HECTD3: variants seen among roughly 807,000 people sequenced by gnomAD.
The protein encoded by HECTD3 is E3 ubiquitin-protein ligase HECTD3.
Under a neutral mutation model 109.3 loss-of-function variants are expected in HECTD3, and 72 were observed. The observed-to-expected ratio is 0.66, with a 90% CI of 0.54 to 0.80. The LOEUF is 0.80. Ranked by LOEUF, HECTD3 falls within the 30% of genes least tolerant of loss-of-function variation. The pLI is 0.00. For synonymous variants in HECTD3, 481 were observed against 471.8 expected (o/e 1.02, Z -0.25); for missense variants, 1,041 against 1,165.2 (o/e 0.89, Z 1.55).
chr1:45,005,763 A>G, intron 15 of HECTD3, 31 bp downstream of exon 15: 2 of 1,543,640 alleles, frequency 1.3e-6, no homozygotes, highest in Non-Finnish European at 1.7e-6. Flanking sequence ...GGGGCTGGGC[A>G]GAGGAAACAC....
intron 6 of HECTD3, 62 bp from the exon 7 acceptor site, chr1:45,009,288 G>T: frequency 6.5e-7 from 1 of 1,533,130 alleles, no homozygotes; most frequent in Non-Finnish European, 9.0e-7. Context: ...GAGACTGCTG[G>T]AGTCTCACTC....
chr1:45,010,915 G>A lies in HECTD3; in HGVS notation c.343C>T (p.His115Tyr), dbSNP rs769187842. 3.2e-6 allele frequency: 5 copies of A among 1,546,710 alleles called. No individual in the cohort carries two copies. The highest frequency in any genetic ancestry group is 4.3e-6 in the Non-Finnish European group (5 of 1,157,918). ...RTTGEELCNG[H>Y]GLWVKLTKEQ... is the part of the protein sequence containing the mutation. ...TTTGTCAGCTTCACCCAGAGCCCGT[G>A]GCCATTGCACAGCTCCTCGCCCGTG... Residue 115 changes from histidine to tyrosine, a missense_variant, in exon 1 of 21, where the codon CAC becomes TAC. Transcript: ENST00000372172.
chr1:45,008,282 T>C lies in HECTD3; in HGVS notation c.1278A>G (p.Val426=), dbSNP rs991594923. 1.2e-6 allele frequency: 2 copies of C among 1,614,006 alleles called. No homozygotes were observed. Among genetic ancestry groups the C allele is most frequent in the Admixed American group, 3.3e-5 (2 of 60,004 alleles). Residue 426 remains valine (V), a synonymous_variant, in exon 9 of 21, where the codon GTA becomes GTG. Transcript: ENST00000372172. ...KILDSVLHHL[V]PAWDHTLGTF... is the part of the protein sequence containing the mutation. The stretch of plus-strand genomic sequence containing the variant: ...TGCCCAGTGTGTGGTCCCAGGCAGG[T>C]ACCAGGTGGTGCAGGACACTATCGA...
chr1:45,005,708 T>C lies in HECTD3; in HGVS notation c.1935+86A>G, dbSNP rs1478678328. ...GATTGGAGAGGGATCTTGTGTGTGG[T>C]GAAAGAACAAGGTACAGAACAGCCT... On this transcript the variant is annotated intron_variant, in intron 15 of 20. Coordinates refer to ENST00000372172, the MANE Select transcript of HECTD3 (RefSeq NM_024602.6). 5 of 1,055,796 alleles carry C rather than the reference T, an allele frequency of 4.7e-6. No individual in the cohort carries two copies. In the African/African-American group the frequency reaches 6.4e-5, roughly 13 times the overall value. 65.4% of individuals were successfully genotyped at this position (1,055,796 alleles called of 1,614,324 possible). A position where few individuals can be genotyped will look rare whatever the true frequency, so the allele number is the denominator to read the frequency against.
Position 45,007,424 on chromosome 1 carries a change from C to T in HECTD3, c.1492G>A (p.Val498Ile). 1 of 1,614,142 alleles carries T rather than the reference C, an allele frequency of 6.2e-7. No homozygotes were observed. The highest frequency in any genetic ancestry group is 1.1e-5 in the South Asian group (1 of 91,076). The change falls in exon 10 of 21, where the codon GTC (valine) becomes ATC (isoleucine). Residue 498 changes from valine (V) to isoleucine (I), a missense_variant. Val to Ile is a conservative substitution (Grantham distance 29). Transcript: ENST00000372172. ...TAGGTGGTGCAGACCTGGGTGAAGACTGCATTCTTGCAGGCAGGGTCTCGA... is the reference window on the plus strand; with the variant it reads ...TAGGTGGTGCAGACCTGGGTGAAGATTGCATTCTTGCAGGCAGGGTCTCGA... Reference protein sequence around the residue: ...PSRDPACKNAVFTQVYEGLKP... With the variant: ...PSRDPACKNAIFTQVYEGLKP...
In HECTD3 at chr1:45,006,901, T is replaced by C; in HGVS notation, c.1621+50A>G. The C allele has an allele frequency of 6.2e-7, 1 of 1,604,292 alleles. No homozygotes were observed. The highest frequency in any genetic ancestry group is 8.5e-7 in the Non-Finnish European group (1 of 1,171,202). On this transcript the variant is annotated intron_variant, in intron 12 of 20. Coordinates refer to ENST00000372172, the MANE Select transcript of HECTD3 (RefSeq NM_024602.6). The surrounding 1 kb of genome is among the most constrained non-coding windows in gnomAD (Gnocchi z 4.7). The stretch of plus-strand genomic sequence containing the variant: ...TTAGCTGGTGAAAAGCCTCTACCAC[T>C]TTGATAGGGCAGCAAGCAGGACCCT...
chr1:45,003,264 C>T lies in HECTD3; in HGVS notation c.*228G>A, dbSNP rs1644705716. On this transcript the variant is annotated 3_prime_UTR_variant, in exon 21 of 21. Coordinates refer to ENST00000372172, the MANE Select transcript of HECTD3 (RefSeq NM_024602.6). The surrounding 1 kb of genome is among the most constrained non-coding windows in gnomAD (Gnocchi z 4.7). ...AGATTCCCTCTTAAGAGGTGAAATACCTCGGGAAGCAAGCCCCAGCACGGG... is the reference window on the plus strand; with the variant it reads ...AGATTCCCTCTTAAGAGGTGAAATATCTCGGGAAGCAAGCCCCAGCACGGG... 8.9e-6 allele frequency: 5 copies of T among 558,716 alleles called. No homozygotes were observed. Among genetic ancestry groups the T allele is most frequent in the Non-Finnish European group, 1.6e-5 (5 of 309,978 alleles). The allele number at this position is 558,716 out of a possible 1,614,324, so 34.6% of individuals were successfully genotyped here. A position where few individuals can be genotyped will look rare whatever the true frequency, so the allele number is the denominator to read the frequency against.
chr1:45,006,727 C>CG lies in HECTD3; in HGVS notation c.1689dup (p.Val564ArgfsTer18). ...GTGCGTACAAAGAAGGGCAGGGGCA[C>CG]GGGGGTATCCGCTGAGCTAGGGCAC... On this transcript the variant is annotated frameshift_variant, in exon 13 of 21. Coordinates refer to ENST00000372172, the MANE Select transcript of HECTD3 (RefSeq NM_024602.6). LOFTEE classifies it high-confidence loss of function. The surrounding 1 kb of genome is among the most constrained non-coding windows in gnomAD (Gnocchi z 4.7). 6.2e-7 allele frequency: 1 copy of CG among 1,613,472 alleles called. No homozygotes were observed. Among genetic ancestry groups the CG allele is most frequent in the East Asian group, 2.2e-5 (1 of 44,882 alleles).
chr1:45,010,925 C>T lies in HECTD3; in HGVS notation c.333G>A (p.Leu111=). 3 of 1,549,260 alleles carry T rather than the reference C, an allele frequency of 1.9e-6. No homozygotes were observed. Among genetic ancestry groups the T allele is most frequent in the Admixed American group, 2.0e-5 (1 of 48,942 alleles). ...TCACCCAGAGCCCGTGGCCATTGCACAGCTCCTCGCCCGTGGTGCGCACGC... is the reference window on the plus strand; with the variant it reads ...TCACCCAGAGCCCGTGGCCATTGCATAGCTCCTCGCCCGTGGTGCGCACGC... ...GACVRTTGEE[L]CNGHGLWVKL... is the part of the protein sequence containing the mutation. Residue 111 remains leucine, a synonymous_variant, in exon 1 of 21, where the codon CTG becomes CTA. Coordinates refer to ENST00000372172, the MANE Select transcript of HECTD3 (RefSeq NM_024602.6).
rs745813669 is a variant in HECTD3, at chr1:45,004,035, T to C, written c.2347+25A>G. On this transcript the variant is annotated intron_variant, in intron 18 of 20. Transcript: ENST00000372172. ...CTCAGCAGCAGAGTCCAAACCCAGG[T>C]GTCACCCTGCCCTCCTCCACTGACC... The C allele has an allele frequency of 1.9e-6, 3 of 1,613,792 alleles. No homozygotes were observed. The East Asian group carries it at 6.7e-5, about 36-fold the overall frequency.
rs750059560 is a variant in HECTD3 at position 45,007,480 on chromosome 1, C to T, written c.1436G>A (p.Arg479His). The T allele has an allele frequency of 3.1e-6, 5 of 1,614,000 alleles. No homozygotes were observed. Among genetic ancestry groups the T allele is most frequent in the African/African-American group, 1.3e-5 (1 of 74,884 alleles). ...SFMPRLYINR[R>H]LAMEHRACPS... The stretch of plus-strand genomic sequence containing the variant: ...GCAGGCACGGTGTTCCATGGCAAGA[C>T]GGCGGTTGATGTATAGGCGTGGCAT... Residue 479 changes from arginine (R) to histidine (H), a missense_variant, in exon 10 of 21, where the codon CGT (arginine) becomes CAT (histidine). This residue lies in a region of HECTD3 where 569 missense variants were observed against 715.3 expected (regional missense o/e 0.80). Coordinates refer to ENST00000372172, the MANE Select transcript of HECTD3 (RefSeq NM_024602.6).
Position 45,009,385 on chromosome 1 carries a change from C to G in HECTD3, c.973G>C (p.Asp325His). 1 of 1,613,460 alleles carries G rather than the reference C, an allele frequency of 6.2e-7. No homozygotes were observed. The highest frequency in any genetic ancestry group is 8.5e-7 in the Non-Finnish European group (1 of 1,179,444). ...CGTGCTCACTCGTCAATGCTCACGTCACTCAGCTTCTTCAGGTTGTCCCCT... is the reference window on the plus strand; with the variant it reads ...CGTGCTCACTCGTCAATGCTCACGTGACTCAGCTTCTTCAGGTTGTCCCCT... Reference protein sequence around the residue: ...GEGDNLKKLSDVSIDETLIGD... With the variant: ...GEGDNLKKLSHVSIDETLIGD... The change falls in exon 6 of 21, where the codon GAC (aspartate) becomes CAC (histidine). Residue 325 changes from aspartate to histidine, a missense_variant. Coordinates refer to ENST00000372172, the MANE Select transcript of HECTD3 (RefSeq NM_024602.6).
In HECTD3 at chr1:45,006,441, G is replaced by A. The variant is rs1335971042; in HGVS notation, c.1725+251C>T. ...CTGCTTCAGCCTCCCATGTAGCTGG[G>A]ACTACAGGCGCGTGCCACCACGCCC... On this transcript the variant is annotated intron_variant, in intron 13 of 20. Coordinates refer to ENST00000372172, the MANE Select transcript of HECTD3 (RefSeq NM_024602.6). The surrounding 1 kb of genome is among the most constrained non-coding windows in gnomAD (Gnocchi z 4.7). Among the ~76,000 whole-genome samples, 1 of 152,108 alleles carries A rather than the reference G, an allele frequency of 6.6e-6. No individual in the cohort carries two copies. Among genetic ancestry groups the A allele is most frequent in the East Asian group, 1.9e-4 (1 of 5,190 alleles).
In HECTD3 at chr1:45,011,121, T is replaced by A; in HGVS notation, c.137A>T (p.Glu46Val). Residue 46 changes from glutamate (E) to valine (V), a missense_variant, in exon 1 of 21, where the codon GAG becomes GTG. Glu to Val is a moderately radical substitution (Grantham distance 121). Around this residue, in one of 2 missense-constraint regions of HECTD3, gnomAD observed 472 missense variants for 449.9 expected, o/e 1.05. Coordinates refer to ENST00000372172, the MANE Select transcript of HECTD3 (RefSeq NM_024602.6). ...GTCCTTGTAAAGCTTGTAGAGCACC[T>A]CTCGCGGCACGAAAGCCAGCGCTGC... is the stretch of plus-strand genomic sequence containing the variant. ...LPAALAFVPR[E>V]VLYKLYKDPA... 1 of 1,510,242 alleles carries A rather than the reference T, an allele frequency of 6.6e-7. No individual in the cohort carries two copies. The allele number at this position is 1,510,242 out of a possible 1,614,324, so 93.6% of individuals were successfully genotyped here.
chr1:45,009,134 T>C lies in HECTD3; in HGVS notation c.1072+10A>G. 6.2e-7 allele frequency: 1 copy of C among 1,611,954 alleles called. No individual in the cohort carries two copies. The highest frequency in any genetic ancestry group is 8.5e-7 in the Non-Finnish European group (1 of 1,178,098). On this transcript the variant is annotated intron_variant, in intron 7 of 20. Transcript: ENST00000372172. ...GGCTCTCTTTCCCTCCTTATAGCCTTAAACCTCACCTCGGCACTCCACGAT... is the reference window on the plus strand; with the variant it reads ...GGCTCTCTTTCCCTCCTTATAGCCTCAAACCTCACCTCGGCACTCCACGAT...
chr1:45,007,182 A>T (rs1279890104), intron 11 of HECTD3, 37 bp downstream of exon 11: 3 of 1,574,840 alleles, frequency 1.9e-6, no homozygotes. Context: ...GTGCACAAAC[A>T]GGTGTCCCGA....
At chr1:45,008,513 C>A in intron 8 of HECTD3, 23 bp downstream of exon 8, 1 of 1,609,170 alleles carries the variant, frequency 6.2e-7, no homozygotes, top group Non-Finnish European at 8.5e-7. Flanking sequence ...GGGAAGGGCC[C>A]ATAGGTCCAG....
intron 16 of HECTD3, 58 bp from the exon 17 acceptor site, chr1:45,004,435 T>C: frequency 6.2e-7 from 1 of 1,611,808 alleles, no homozygotes; most frequent in East Asian, 2.2e-5. Context: ...CGCCTCACAC[T>C]GGGGGGCATC....
chr1:45,009,763 G>A, intron 4 of HECTD3, 80 bp from the exon 5 acceptor site: 1 of 1,236,856 alleles, frequency 8.1e-7, no homozygotes, highest in Non-Finnish European at 1.2e-6. Context: ...AGGAGCACCA[G>A]AGAGAAAGCA....
Sources: allele counts gnomAD v4.1 joint callset (sites outside exome capture counted in the v4.1 genomes callset), GRCh38; gene constraint gnomAD v4.1.1; regional missense constraint gnomAD v4.1.1; non-coding constraint Gnocchi (gnomAD v3.1); transcripts MANE v1.5; gene names NCBI Gene and HGNC (gene_info 2026-07-23, HGNC 2026-07-21).